PTPRN2: variants seen among roughly 807,000 people sequenced by gnomAD.
PTPRN2 encodes the protein protein tyrosine phosphatase receptor type N2, also known as receptor-type tyrosine-protein phosphatase N2.
In PTPRN2, 74 loss-of-function variants were observed where a neutral mutation model predicts 118.8. The observed-to-expected ratio is 0.62, with a 90% CI of 0.52 to 0.76. PTPRN2 has a LOEUF of 0.76. PTPRN2 is among the 30% of genes least tolerant of loss of function. The probability of loss-of-function intolerance (pLI) is 0.00; values close to 1 mark genes in which losing one functional copy is unlikely to be tolerated. For synonymous variants in PTPRN2, 641 were observed against 608.0 expected (o/e 1.05, Z -0.80); for missense variants, 1,481 against 1,394.4 (o/e 1.06, Z -0.99).
At chr7:158,057,465 G>A (rs919702399) in intron 11 of PTPRN2, among the ~76,000 whole-genome samples, 3 of 152,184 alleles carry the variant, frequency 2.0e-5, no homozygotes, top group Non-Finnish European at 2.9e-5. Flanking sequence ...CACAGACCGA[G>A]CAGGTACACC....
chr7:158,377,087 A>C (rs1480430343), intron 2 of PTPRN2, among the ~76,000 whole-genome samples: 1 of 68,652 alleles, frequency 1.5e-5, no homozygotes, highest in African/African-American at 6.4e-5. Context: ...ACTCCCCCAC[A>C]GCCCTGTCAC....
At chr7:158,469,086 T>G (rs552932732) in intron 2 of PTPRN2, among the ~76,000 whole-genome samples, 1 of 152,366 alleles carries the variant, frequency 6.6e-6, no homozygotes, top group African/African-American at 2.4e-5. Context: ...ATCAACACTA[T>G]GCACACCCAT....
chr7:157,596,953 G>T lies in PTPRN2; in HGVS notation c.2419-1638C>A, dbSNP rs1801380613. ...CACGAGGACATCAGTGGTGGCCCCG[G>T]TGCTACCTTAAGTGCTGCTGCATTT... On this transcript the variant is annotated intron_variant, in intron 16 of 22. Coordinates refer to ENST00000389418, the MANE Select transcript of PTPRN2 (RefSeq NM_002847.5). The surrounding 1 kb of genome is among the most constrained non-coding windows in gnomAD (Gnocchi z 4.2). Among the ~76,000 whole-genome samples the T allele has an allele frequency of 6.6e-6, 1 of 152,210 alleles. No homozygotes were observed. The highest frequency in any genetic ancestry group is 1.5e-5 in the Non-Finnish European group (1 of 68,048).
intron 1 of PTPRN2, among the ~76,000 whole-genome samples, chr7:158,584,638 G>A (rs1052596028): frequency 2.0e-5 from 3 of 152,198 alleles, no homozygotes; most frequent in Admixed American, 1.3e-4. Context: ...TGGGTGATGG[G>A]AGGGCAGGAA....
intron 6 of PTPRN2, among the ~76,000 whole-genome samples, chr7:158,156,651 C>T (rs901718514): frequency 6.6e-6 from 1 of 152,248 alleles, no homozygotes; most frequent in African/African-American, 2.4e-5. Context: ...CCAACTGCTG[C>T]ATAGAACGCC....
chr7:158,434,215 C>T (rs552369408), intron 2 of PTPRN2, among the ~76,000 whole-genome samples: 11 of 152,260 alleles, frequency 7.2e-5, no homozygotes, highest in Middle Eastern at 3.4e-3. Context: ...CCATTAATCC[C>T]GTTCTTCAGA....
At chr7:158,522,999 G>A (rs1586862125) in intron 1 of PTPRN2, among the ~76,000 whole-genome samples, 1 of 152,190 alleles carries the variant, frequency 6.6e-6, no homozygotes, top group East Asian at 1.9e-4. Flanking sequence ...AATAGCCAAG[G>A]GCTTCAACAG....
chr7:158,294,770 AC>A (rs1800350223), intron 3 of PTPRN2, among the ~76,000 whole-genome samples: 1 of 152,132 alleles, frequency 6.6e-6, no homozygotes, highest in South Asian at 2.1e-4. Flanking sequence ...CTCATGGTTC[AC>A]CCACCTTTCT....
At chr7:157,737,325 G>A (rs1800358348) in intron 12 of PTPRN2, among the ~76,000 whole-genome samples, 2 of 152,216 alleles carry the variant, frequency 1.3e-5, no homozygotes, top group Non-Finnish European at 2.9e-5. Context: ...TCCTGTGTCC[G>A]TGGTTTGGAG....
intron 12 of PTPRN2, among the ~76,000 whole-genome samples, chr7:157,768,447 C>T (rs947952599): frequency 4.6e-5 from 7 of 152,146 alleles, no homozygotes; most frequent in African/African-American, 9.7e-5. Flanking sequence ...GGCTCCGGGC[C>T]GGACGCCCCA....
intron 15 of PTPRN2, among the ~76,000 whole-genome samples, chr7:157,621,146 G>A (rs1585124645): frequency 3.5e-5 from 5 of 144,186 alleles, no homozygotes; most frequent in Admixed American, 1.4e-4. Flanking sequence ...CAGTCCTCCC[G>A]CCCCCGGTGC....
chr7:158,208,264 T>C (rs1827316207), intron 3 of PTPRN2, among the ~76,000 whole-genome samples: 1 of 152,108 alleles, frequency 6.6e-6, no homozygotes, highest in South Asian at 2.1e-4. Context: ...TTCTCGAACC[T>C]AGAGAAAGAT....
intron 2 of PTPRN2, among the ~76,000 whole-genome samples, chr7:158,346,584 G>A (rs1807531074): frequency 6.6e-6 from 1 of 152,164 alleles, no homozygotes; most frequent in Non-Finnish European, 1.5e-5. Flanking sequence ...AAACATGAGG[G>A]TGCAGATCTC....
At chr7:158,366,853 T>G (rs1809571596) in intron 2 of PTPRN2, among the ~76,000 whole-genome samples, 1 of 152,172 alleles carries the variant, frequency 6.6e-6, no homozygotes, top group South Asian at 2.1e-4. Flanking sequence ...AAATAAACCA[T>G]GAAAATGACC....
intron 11 of PTPRN2, chr7:158,028,030 T>C (rs1298752497): frequency 6.6e-6 from 1 of 152,218 alleles, no homozygotes; most frequent in East Asian, 1.9e-4. Flanking sequence ...ACATGAAAAG[T>C]ACACCAAGAA....
chr7:157,976,665 C>T (rs879315719), intron 11 of PTPRN2, among the ~76,000 whole-genome samples: 6 of 151,820 alleles, frequency 4.0e-5, no homozygotes, highest in Admixed American at 2.0e-4. Context: ...CAGCGTCTGC[C>T]GACCATGCTT....
chr7:157,614,241 G>A, intron 15 of PTPRN2: 1 of 411,172 alleles, frequency 2.4e-6, no homozygotes, highest in South Asian at 1.9e-5. Context: ...AGAGCAGGCT[G>A]GTCATGTTCC....
At chr7:158,500,574 A>G (rs1225382300) in intron 1 of PTPRN2, among the ~76,000 whole-genome samples, 1 of 151,902 alleles carries the variant, frequency 6.6e-6, no homozygotes, top group Non-Finnish European at 1.5e-5. Context: ...AGTTTCACAC[A>G]CTCTTCTCTG....
rs565708198 is a variant in PTPRN2 at position 157,906,779 on chromosome 7, G to A, written c.1724-8042C>T. On this transcript the variant is annotated intron_variant, in intron 11 of 22. Transcript: ENST00000389418. The stretch of plus-strand genomic sequence containing the variant: ...CGGGCGGTGTGGAGGATGGGCTAGG[G>A]GCTGAGGGAGACCTTAGGGAGGGGC... Among the ~76,000 whole-genome samples, 138 of 152,220 alleles carry A rather than the reference G, an allele frequency of 9.1e-4. No individual in the cohort carries two copies. In the Middle Eastern group the frequency reaches 0.01, roughly 11 times the overall value.
Sources: allele counts gnomAD v4.1 joint callset (sites outside exome capture counted in the v4.1 genomes callset), GRCh38; gene constraint gnomAD v4.1.1; non-coding constraint Gnocchi (gnomAD v3.1); transcripts MANE v1.5; gene names NCBI Gene and HGNC (gene_info 2026-07-23, HGNC 2026-07-21).